The following AAK1 variants were observed in gnomAD, a reference collection of about 807,000 sequenced individuals.
The protein encoded by AAK1 is AP2 associated kinase 1.
A neutral mutation model predicts 116.0 loss-of-function variants in AAK1; 37 were observed. The observed-to-expected ratio is 0.32, with a 90% CI of 0.25 to 0.42. AAK1 has a LOEUF of 0.42. Ranked by LOEUF, AAK1 falls within the 10% of genes least tolerant of loss-of-function variation. AAK1 has a pLI of 1.00. For synonymous variants in AAK1, 458 were observed against 439.9 expected (o/e 1.04, Z -0.51); for missense variants, 919 against 1,170.6 (o/e 0.79, Z 3.14).
At chr2:69,512,204 T>C (rs1558923342) in intron 13 of AAK1, among the ~76,000 whole-genome samples, 1 of 152,174 alleles carries the variant, frequency 6.6e-6, no homozygotes, top group African/African-American at 2.4e-5. Flanking sequence ...GCTGACGATT[T>C]TTTAAAAATG....
Position 69,532,069 on chromosome 2 carries a change from C to G in AAK1, c.628G>C (p.Val210Leu). The part of the protein sequence containing the change: ...NKFQNPQTEG[V>L]NAVEDEIKKY... ...TTAATCTCATCTTCTACTGCATTGA[C>G]TCCCTCAGTTTGTGGATTCTGGAAT... Residue 210 changes from valine (V) to leucine (L), a missense_variant, in exon 6 of 22, where the codon GTC (valine) becomes CTC (leucine). Physicochemically the swap from Val to Leu is conservative, Grantham distance 32. Around this residue, in one of 4 missense-constraint regions of AAK1, gnomAD observed 317 missense variants for 490.4 expected, o/e 0.65. Transcript: ENST00000409085. The G allele has an allele frequency of 2.5e-6, 4 of 1,613,612 alleles. No individual in the cohort carries two copies. Among genetic ancestry groups the G allele is most frequent in the Non-Finnish European group, 3.4e-6 (4 of 1,179,596 alleles).
At position 69,469,284 on chromosome 2, in the gene AAK1, G is replaced by C; in HGVS notation, c.*6585C>G. ...AGCCCAGACCTCCACATTCCCTTAAGGAATTCTGGTGGTGGCAGCACCAGA... is the reference window on the plus strand; with the variant it reads ...AGCCCAGACCTCCACATTCCCTTAACGAATTCTGGTGGTGGCAGCACCAGA... On this transcript the variant is annotated 3_prime_UTR_variant, in exon 22 of 22. Transcript: ENST00000409085. 1.0e-6 allele frequency: 1 copy of C among 985,372 alleles called. No individual in the cohort carries two copies. The highest frequency in any genetic ancestry group is 5.2e-4 in the Middle Eastern group (1 of 1,914). The allele number at this position is 985,372 out of a possible 1,614,324, so 61.0% of individuals were successfully genotyped here.
chr2:69,623,180 A>C (rs1172836955), intron 2 of AAK1, among the ~76,000 whole-genome samples: 1 of 152,106 alleles, frequency 6.6e-6, no homozygotes, highest in Middle Eastern at 3.2e-3. Context: ...CCACGAACCC[A>C]CCAGAAGGAA....
In AAK1 at chr2:69,468,868, C is replaced by T. The variant is rs1352740514; in HGVS notation, c.*7001G>A. 5 of 985,316 alleles carry T rather than the reference C, an allele frequency of 5.1e-6. No homozygotes were observed. The South Asian group carries it at 1.4e-4, about 28-fold the overall frequency. The allele number at this position is 985,316 out of a possible 1,614,324, so 61.0% of individuals were successfully genotyped here. A position where few individuals can be genotyped will look rare whatever the true frequency, so the allele number is the denominator to read the frequency against. ...ATTTGTTAAAAAGTGGGTTTTTGGT[C>T]GAGAACCCATTTGGAAAACCTTCCA... On this transcript the variant is annotated 3_prime_UTR_variant, in exon 22 of 22. Coordinates refer to ENST00000409085, the MANE Select transcript of AAK1 (RefSeq NM_014911.5).
Position 69,467,685 on chromosome 2 carries a change from C to A in AAK1, c.*8184G>T, listed in dbSNP as rs1674534992. 1.0e-6 allele frequency: 1 copy of A among 985,204 alleles called. No individual in the cohort carries two copies. The allele number at this position is 985,204 out of a possible 1,614,324, so 61.0% of individuals were successfully genotyped here. On this transcript the variant is annotated 3_prime_UTR_variant, in exon 22 of 22. Coordinates refer to ENST00000409085, the MANE Select transcript of AAK1 (RefSeq NM_014911.5). ...CAATGATCCCCTTCCCATACTGACC[C>A]TCTCCCCTCCTATGCAAACCATTAG...
chr2:69,512,767 C>T (rs1168769460), intron 13 of AAK1, among the ~76,000 whole-genome samples: 1 of 152,216 alleles, frequency 6.6e-6, no homozygotes, highest in Non-Finnish European at 1.5e-5. Context: ...ATCCAAAGAA[C>T]ACGGAGAAAG....
chr2:69,488,497 T>C (rs1480680153), intron 17 of AAK1, among the ~76,000 whole-genome samples: 1 of 152,208 alleles, frequency 6.6e-6, no homozygotes, highest in Admixed American at 6.5e-5. Context: ...TTTTCTCACC[T>C]GTAAACAGAT....
chr2:69,508,620 G>A (rs12474799), intron 14 of AAK1, among the ~76,000 whole-genome samples: 49,539 of 151,774 alleles, frequency 0.33, 9,435 homozygotes, highest in East Asian at 0.52. Flanking sequence ...ACAACACAAT[G>A]TCATATAAGC....
intron 14 of AAK1, among the ~76,000 whole-genome samples, chr2:69,508,283 T>A (rs967255350): frequency 2.0e-5 from 3 of 152,272 alleles, no homozygotes; most frequent in Non-Finnish European, 4.4e-5. Flanking sequence ...TTAGGCTGCC[T>A]CTCATCTCTC....
chr2:69,504,832 A>G (rs1676117171), intron 16 of AAK1, among the ~76,000 whole-genome samples: 1 of 152,202 alleles, frequency 6.6e-6, no homozygotes, highest in Admixed American at 6.5e-5. Context: ...TAGATTCACA[A>G]AGATATCTGT....
intron 2 of AAK1, among the ~76,000 whole-genome samples, chr2:69,565,343 C>T (rs1671819269): frequency 6.6e-6 from 1 of 152,222 alleles, no homozygotes; most frequent in African/African-American, 2.4e-5. Context: ...TCTCTTAAAC[C>T]TTGTGCAGTT....
chr2:69,460,889 A>G lies in AAK1; in HGVS notation c.*14980T>C, dbSNP rs992239562. 6.6e-6 allele frequency: 1 copy of G among 152,230 alleles called. No individual in the cohort carries two copies. The highest frequency in any genetic ancestry group is 2.4e-5 in the African/African-American group (1 of 41,462). 9.4% of individuals were successfully genotyped at this position (152,230 alleles called of 1,614,324 possible). On this transcript the variant is annotated 3_prime_UTR_variant, in exon 22 of 22. Transcript: ENST00000409085. ...GGATTCTTTCAGGGTTCATCAATGCATGTGTGGCTCGATGGTTTAGGAATA... is the reference window on the plus strand; with the variant it reads ...GGATTCTTTCAGGGTTCATCAATGCGTGTGTGGCTCGATGGTTTAGGAATA...
chr2:69,500,698 T>TACACACACACACACACACAC (rs563907265), intron 16 of AAK1, among the ~76,000 whole-genome samples: 1 of 65,102 alleles, frequency 1.5e-5, no homozygotes, highest in African/African-American at 7.9e-5. Flanking sequence ...TATATATATA[T>TACACACACACACACACACAC]ACACACACAC....
At chr2:69,497,221 TCCCACCTC>T (rs1675778104) in intron 16 of AAK1, among the ~76,000 whole-genome samples, 1 of 128,566 alleles carries the variant, frequency 7.8e-6, no homozygotes. Context: ...CAAGCGATCC[TCCCACCTC>T]AGCCTAGTAG....
chr2:69,599,436 T>A (rs1673460491), intron 2 of AAK1, among the ~76,000 whole-genome samples: 1 of 152,060 alleles, frequency 6.6e-6, no homozygotes, highest in Non-Finnish European at 1.5e-5. Context: ...TTCAACTGTT[T>A]TTGGTCATTT....
At chr2:69,477,091 G>A in intron 20 of AAK1, 101 bp from the exon 21 acceptor site, 1 of 654,746 alleles carries the variant, frequency 1.5e-6, no homozygotes, top group Non-Finnish European at 2.5e-6. Flanking sequence ...GTACAGCCCT[G>A]TTATTTTCAA....
intron 2 of AAK1, among the ~76,000 whole-genome samples, chr2:69,568,902 A>G (rs912104234): frequency 2.0e-5 from 3 of 152,008 alleles, no homozygotes; most frequent in African/African-American, 7.3e-5. Flanking sequence ...TGGTCCTTCA[A>G]TCAGGACTGG....
chr2:69,587,305 A>G (rs1045575631), intron 2 of AAK1, among the ~76,000 whole-genome samples: 4 of 150,356 alleles, frequency 2.7e-5, no homozygotes, highest in African/African-American at 9.9e-5. Context: ...GTATATACGC[A>G]TGTATATATA....
At position 69,460,732 on chromosome 2, in the gene AAK1, C is replaced by T. The variant is rs1674319263; in HGVS notation, c.*15137G>A. 6.6e-6 allele frequency: 1 copy of T among 152,228 alleles called. No homozygotes were observed. The highest frequency in any genetic ancestry group is 2.4e-5 in the African/African-American group (1 of 41,454). The allele number at this position is 152,228 out of a possible 1,614,324, so 9.4% of individuals were successfully genotyped here. On this transcript the variant is annotated 3_prime_UTR_variant, in exon 22 of 22. Transcript: ENST00000409085. ...AGCTGCTTCAGCATCAAATTGTGTT[C>T]ATCCCATTTTCTAATCTAACCAAGC...
Sources: allele counts gnomAD v4.1 joint callset (sites outside exome capture counted in the v4.1 genomes callset), GRCh38; gene constraint gnomAD v4.1.1; regional missense constraint gnomAD v4.1.1; transcripts MANE v1.5; gene names NCBI Gene and HGNC (gene_info 2026-07-23, HGNC 2026-07-21).